Variants in ZNF438 observed in about 807,000 individuals in gnomAD.
ZNF438 encodes zinc finger protein 438.
In ZNF438, 25 loss-of-function variants were observed where a neutral mutation model predicts 38.0. The ratio of observed to expected loss-of-function variants is 0.66; its 90% CI spans 0.48 to 0.92. The LOEUF (loss-of-function observed/expected upper bound fraction) is 0.92, where lower values mean the gene tolerates loss of function less well. ZNF438 is among the 40% of genes least tolerant of loss of function. The pLI, the probability that ZNF438 is intolerant of heterozygous loss-of-function variation, is 0.00. For synonymous variants in ZNF438, 372 were observed against 364.1 expected (o/e 1.02, Z -0.25); for missense variants, 1,007 against 999.6 (o/e 1.01, Z -0.10).
At chr10:30,885,250 T>C (rs1588999746) in intron 3 of ZNF438, among the ~76,000 whole-genome samples, 1 of 152,338 alleles carries the variant, frequency 6.6e-6, no homozygotes, top group South Asian at 2.1e-4. Flanking sequence ...ATTAAGATAA[T>C]GTTACTAACC....
chr10:30,848,815 G>T (rs1357824797), exon 5 of ZNF438: 1 of 1,614,102 alleles, frequency 6.2e-7, no homozygotes. Context: ...GGCGTCTGTT[G>T]GTGTGTGTAT....
intron 4 of ZNF438, among the ~76,000 whole-genome samples, chr10:30,876,055 C>G (rs2038367297): frequency 6.6e-6 from 1 of 152,196 alleles, no homozygotes. Context: ...GATGTGGAAG[C>G]TGAGGTCAAG....
intron 3 of ZNF438, among the ~76,000 whole-genome samples, chr10:30,886,996 C>T (rs2040034857): frequency 6.6e-6 from 1 of 152,042 alleles, no homozygotes; most frequent in Admixed American, 6.6e-5. Context: ...AAGATACTGC[C>T]CCTTCCAGGG....
At chr10:30,918,879 C>T (rs2043957582) in intron 2 of ZNF438, 1 of 152,148 alleles carries the variant, frequency 6.6e-6, no homozygotes. Context: ...AGGTATGGGA[C>T]TTTTGCTACC....
chr10:31,007,858 C>T (rs1254147517), intron 1 of ZNF438, among the ~76,000 whole-genome samples: 2 of 152,170 alleles, frequency 1.3e-5, no homozygotes, highest in East Asian at 3.8e-4. Flanking sequence ...AATGCCATGA[C>T]ATAAGACATC....
intron 3 of ZNF438, among the ~76,000 whole-genome samples, chr10:30,877,983 TTC>T (rs2038688544): frequency 6.6e-6 from 1 of 152,184 alleles, no homozygotes; most frequent in Admixed American, 6.5e-5. Flanking sequence ...AGATTCATGC[TTC>T]TGCCTGAAAC....
intron 3 of ZNF438, among the ~76,000 whole-genome samples, chr10:30,892,568 T>C (rs2040831022): frequency 6.7e-6 from 1 of 150,334 alleles, no homozygotes; most frequent in Non-Finnish European, 1.5e-5. Context: ...TGATTAAAAA[T>C]ATGAATACCA....
chr10:30,972,261 G>A (rs1409392384), intron 1 of ZNF438, among the ~76,000 whole-genome samples: 4 of 152,096 alleles, frequency 2.6e-5, no homozygotes, highest in Admixed American at 6.5e-5. Flanking sequence ...GAGCCGCCAC[G>A]CCCGGCCCCT....
At chr10:30,963,604 T>C (rs1414123878) in intron 1 of ZNF438, among the ~76,000 whole-genome samples, 2 of 152,054 alleles carry the variant, frequency 1.3e-5, no homozygotes, top group African/African-American at 4.8e-5. Context: ...CCAGGCCCTG[T>C]GGCTCACGCC....
intron 1 of ZNF438, among the ~76,000 whole-genome samples, chr10:31,009,512 A>G (rs2055459376): frequency 6.6e-6 from 1 of 152,194 alleles, no homozygotes; most frequent in Non-Finnish European, 1.5e-5. Context: ...CCTTCACTCA[A>G]AAAATACTAA....
At chr10:30,988,156 G>GT (rs2053060729) in intron 1 of ZNF438, among the ~76,000 whole-genome samples, 1 of 151,952 alleles carries the variant, frequency 6.6e-6, no homozygotes, top group East Asian at 1.9e-4. Context: ...CTTTGAAAAT[G>GT]TATGTGCTAG....
chr10:30,985,208 G>C (rs893107517), intron 1 of ZNF438, among the ~76,000 whole-genome samples: 5 of 152,172 alleles, frequency 3.3e-5, no homozygotes, highest in African/African-American at 9.7e-5. Context: ...AGCAGGTAGG[G>C]ACAGCTAACT....
chr10:30,972,095 G>A (rs929227445), intron 1 of ZNF438, among the ~76,000 whole-genome samples: 3 of 151,460 alleles, frequency 2.0e-5, no homozygotes, highest in African/African-American at 4.9e-5. Context: ...TCAGTCTCCC[G>A]AGTAGCTGGG....
intron 4 of ZNF438, among the ~76,000 whole-genome samples, chr10:30,869,756 T>C (rs1179576023): frequency 6.6e-6 from 1 of 152,216 alleles, no homozygotes; most frequent in East Asian, 1.9e-4. Flanking sequence ...GTACCAAAAG[T>C]CCAAGAACAG....
chr10:30,934,271 T>G (rs1477500812), intron 2 of ZNF438, among the ~76,000 whole-genome samples: 3 of 151,944 alleles, frequency 2.0e-5, no homozygotes, highest in African/African-American at 7.3e-5. Flanking sequence ...CCCAAATGGG[T>G]GCACTCTCCT....
chr10:30,885,046 T>G (rs1353347620), intron 3 of ZNF438, among the ~76,000 whole-genome samples: 3 of 152,234 alleles, frequency 2.0e-5, no homozygotes, highest in African/African-American at 7.2e-5. Flanking sequence ...CAATCTAGAT[T>G]ATTATTTCTA....
At chr10:30,849,425 T>A in exon 5 of ZNF438, 1 of 1,614,236 alleles carries the variant, frequency 6.2e-7, no homozygotes, top group Non-Finnish European at 8.5e-7. Flanking sequence ...GGGTATCTTA[T>A]CACAGTCGGC....
intron 1 of ZNF438, among the ~76,000 whole-genome samples, chr10:30,992,652 A>C (rs959991489): frequency 6.6e-6 from 1 of 152,214 alleles, no homozygotes; most frequent in Non-Finnish European, 1.5e-5. Flanking sequence ...ACCTCAGGTG[A>C]TCTGCCTGCC....
At chr10:31,005,584 T>A (rs919814982) in intron 1 of ZNF438, among the ~76,000 whole-genome samples, 2 of 152,158 alleles carry the variant, frequency 1.3e-5, no homozygotes, top group African/African-American at 4.8e-5. Flanking sequence ...CGATGTCTAA[T>A]GTATGACATG....
Sources: allele counts gnomAD v4.1 joint callset (sites outside exome capture counted in the v4.1 genomes callset), GRCh38; gene constraint gnomAD v4.1.1; transcripts MANE v1.5; gene names NCBI Gene and HGNC (gene_info 2026-07-23, HGNC 2026-07-21).